Variants in ADHFE1 observed in about 807,000 individuals in gnomAD.
The protein encoded by ADHFE1 is alcohol dehydrogenase iron containing 1, also known as hydroxyacid-oxoacid transhydrogenase, mitochondrial.
Under a neutral mutation model 54.8 loss-of-function variants are expected in ADHFE1, and 37 were observed. The observed-to-expected ratio is 0.68, with a 90% CI of 0.52 to 0.89. ADHFE1 has a LOEUF of 0.89. Ranked by LOEUF, ADHFE1 falls within the 40% of genes least tolerant of loss-of-function variation. The pLI is 0.00. For missense variants in ADHFE1, 601 were observed against 591.2 expected (o/e 1.02, Z -0.17); for synonymous variants, 203 against 229.3 (o/e 0.89, Z 1.04).
intron 9 of ADHFE1, chr8:66,453,706 A>G (rs1554564201): frequency 7.3e-7 from 1 of 1,370,340 alleles, no homozygotes. Context: ...ACATCCCTTC[A>G]CAGGGCCGTC....
At chr8:66,463,526 A>G (rs1235280005) in intron 13 of ADHFE1, among the ~76,000 whole-genome samples, 2 of 152,212 alleles carry the variant, frequency 1.3e-5, no homozygotes, top group Non-Finnish European at 2.9e-5. Context: ...AGATATGTGT[A>G]TATTCACAGA....
chr8:66,465,876 G>A (rs1807151656), intron 13 of ADHFE1, among the ~76,000 whole-genome samples: 1 of 151,572 alleles, frequency 6.6e-6, no homozygotes, highest in Admixed American at 6.6e-5. Flanking sequence ...GGGATTACAG[G>A]TGTGAGCCAC....
chr8:66,439,048 T>C lies in ADHFE1; in HGVS notation c.60-1114T>C, dbSNP rs978877725. On this transcript the variant is annotated intron_variant, in intron 1 of 13. Coordinates refer to ENST00000396623, the MANE Select transcript of ADHFE1 (RefSeq NM_144650.3). This position sits in a 1 kb window ranked among gnomAD's most constrained non-coding sequence, Gnocchi z 4.4. ...CCACCGTGAAGGGACAAGCCTGGCC[T>C]GGCCCGCGTCCTCTCCCCCGGCGCG... is the stretch of plus-strand genomic sequence containing the variant. Among the ~76,000 whole-genome samples the C allele has an allele frequency of 2.0e-5, 3 of 151,600 alleles. No individual in the cohort carries two copies. Among genetic ancestry groups the C allele is most frequent in the Non-Finnish European group, 4.4e-5 (3 of 67,858 alleles).
In ADHFE1 at chr8:66,447,206, G is replaced by A. The variant is rs748238044; in HGVS notation, c.551-58G>A. ...TTCCTCAGTCCTAAGGCTGAATTAG[G>A]TATCTCCACTAACCTTTATTTAGAT... On this transcript the variant is annotated intron_variant, in intron 6 of 13. Transcript: ENST00000396623. The A allele has an allele frequency of 9.5e-6, 14 of 1,473,400 alleles. No homozygotes were observed. In the East Asian group the frequency reaches 1.6e-4, roughly 17 times the overall value. 91.3% of individuals were successfully genotyped at this position (1,473,400 alleles called of 1,614,324 possible).
rs572741766 is a variant in ADHFE1, at chr8:66,439,380, G to A, written c.60-782G>A. ...CAGAGAGCGAGCAGGAGAAAGAGAA[G>A]CCAGAGGAGAGACTGGGACTGTCCA... On this transcript the variant is annotated intron_variant, in intron 1 of 13. Coordinates refer to ENST00000396623, the MANE Select transcript of ADHFE1 (RefSeq NM_144650.3). This position sits in a 1 kb window ranked among gnomAD's most constrained non-coding sequence, Gnocchi z 4.4. The A allele has an allele frequency of 2.4e-5, 24 of 985,782 alleles. No homozygotes were observed. In the South Asian group the frequency reaches 8.9e-4, roughly 37 times the overall value. 61.1% of individuals were successfully genotyped at this position (985,782 alleles called of 1,614,324 possible).
rs200450012 is a variant in ADHFE1 at position 66,445,463 on chromosome 8, G to T, written c.550+49G>T. 4.8e-5 allele frequency: 73 copies of T among 1,522,000 alleles called. No individual in the cohort carries two copies. The African/African-American group carries it at 8.8e-4, about 18-fold the overall frequency. The allele number at this position is 1,522,000 out of a possible 1,614,324, so 94.3% of individuals were successfully genotyped here. A position where few individuals can be genotyped will look rare whatever the true frequency, so the allele number is the denominator to read the frequency against. The stretch of plus-strand genomic sequence containing the variant: ...TTGTTTTATTTTGCAATGAGCAATA[G>T]ATCTTAAGAAAGATGCAAGCCAGTC... On this transcript the variant is annotated intron_variant, in intron 6 of 13. Coordinates refer to ENST00000396623, the MANE Select transcript of ADHFE1 (RefSeq NM_144650.3).
intron 5 of ADHFE1, 107 bp from the exon 6 acceptor site, chr8:66,445,106 AAAAAC>A: frequency 8.1e-6 from 9 of 1,116,398 alleles, no homozygotes; most frequent in Non-Finnish European, 1.1e-5. Context: ...GTCTCAAAAA[AAAAAC>A]AAAAACAAAA....
chr8:66,449,866 C>T (rs1346363352), intron 8 of ADHFE1, among the ~76,000 whole-genome samples: 1 of 152,176 alleles, frequency 6.6e-6, no homozygotes, highest in Non-Finnish European at 1.5e-5. Context: ...CGCCTGTATT[C>T]CCAGCACTTT....
chr8:66,433,372 A>G (rs924210235), intron 1 of ADHFE1, among the ~76,000 whole-genome samples: 3 of 152,220 alleles, frequency 2.0e-5, no homozygotes, highest in Admixed American at 1.3e-4. Flanking sequence ...AAGAGGAGGT[A>G]AAGATGGAGA....
chr8:66,453,544 A>G (rs980106213), intron 9 of ADHFE1, among the ~76,000 whole-genome samples: 4 of 152,230 alleles, frequency 2.6e-5, no homozygotes, highest in Admixed American at 2.0e-4. Context: ...GCTAAGGCTC[A>G]TTCGACAATA....
chr8:66,456,977 C>T, intron 11 of ADHFE1, 82 bp downstream of exon 11: 1 of 1,481,684 alleles, frequency 6.7e-7, no homozygotes. Context: ...TTCTCGCCTG[C>T]TTAGAGTATG....
intron 12 of ADHFE1, among the ~76,000 whole-genome samples, chr8:66,458,905 G>A (rs532842978): frequency 3.3e-5 from 5 of 152,104 alleles, no homozygotes; most frequent in South Asian, 4.1e-4. Context: ...CATAAACTTC[G>A]TATCATGTGT....
intron 13 of ADHFE1, among the ~76,000 whole-genome samples, chr8:66,466,810 A>G (rs1045879760): frequency 6.6e-6 from 1 of 152,188 alleles, no homozygotes; most frequent in Non-Finnish European, 1.5e-5. Context: ...TGATAGGCCA[A>G]TGCTTTCTAG....
Position 66,439,519 on chromosome 8 carries a change from T to A in ADHFE1, c.60-643T>A. The A allele has an allele frequency of 1.0e-6, 1 of 984,610 alleles. No homozygotes were observed. Among genetic ancestry groups the A allele is most frequent in the Non-Finnish European group, 1.2e-6 (1 of 829,772 alleles). 61.0% of individuals were successfully genotyped at this position (984,610 alleles called of 1,614,324 possible). ...AAGTCGACCGAGAAGTGAGATGCGG[T>A]GGCGACCTCGGAGCGCACCGGGTGT... On this transcript the variant is annotated intron_variant, in intron 1 of 13. Transcript: ENST00000396623. The surrounding 1 kb of genome is among the most constrained non-coding windows in gnomAD (Gnocchi z 4.4).
rs755781603 is a variant in ADHFE1 at position 66,444,742 on chromosome 8, A to T, written c.347A>T (p.Asp116Val). 22 of 1,613,828 alleles carry T rather than the reference A, an allele frequency of 1.4e-5. No homozygotes were observed. Among genetic ancestry groups the T allele is most frequent in the Non-Finnish European group, 1.8e-5 (21 of 1,179,980 alleles). ...VYDNVRVEPT[D>V]SSFMEAIEFA... ...GATAATGTGAGAGTGGAACCAACGG[A>T]TTCAAGGTATTCTTGTATTGTTGTT... Residue 116 changes from aspartate (D) to valine (V), a missense_variant, in exon 5 of 14, where the codon GAT (aspartate) becomes GTT (valine). Asp to Val is a radical substitution (Grantham distance 152). Transcript: ENST00000396623.
At chr8:66,453,735 A>G (rs1806427092) in intron 9 of ADHFE1, 1 of 1,378,346 alleles carries the variant, frequency 7.3e-7, no homozygotes, top group Non-Finnish European at 9.7e-7. Flanking sequence ...TGACAAATGA[A>G]GAAGAAGAAT....
At chr8:66,432,640 C>T in intron 1 of ADHFE1, 65 bp downstream of exon 1, 1 of 1,260,168 alleles carries the variant, frequency 7.9e-7, no homozygotes, top group Non-Finnish European at 1.0e-6. Flanking sequence ...CTGGGTGTGA[C>T]CCGCTCAGAT....
chr8:66,447,417 T>C, intron 7 of ADHFE1, 76 bp downstream of exon 7: 2 of 1,271,152 alleles, frequency 1.6e-6, no homozygotes, highest in Admixed American at 1.9e-5. Context: ...TATTTAAAAA[T>C]CAAGCAGTTA....
At chr8:66,446,506 A>T (rs1806031132) in intron 6 of ADHFE1, among the ~76,000 whole-genome samples, 2 of 152,248 alleles carry the variant, frequency 1.3e-5, no homozygotes, top group African/African-American at 4.8e-5. Flanking sequence ...CAGCACAGTC[A>T]TCACACACGT....
Sources: gnomAD v4.1 joint callset for allele counts (sites outside exome capture counted in the v4.1 genomes callset) on GRCh38, gnomAD v4.1.1 for gene constraint, Gnocchi (gnomAD v3.1) non-coding constraint, MANE v1.5 for transcripts, NCBI Gene and HGNC (gene_info 2026-07-23, HGNC 2026-07-21) for gene names.